The following LBP variants were observed in gnomAD, a reference collection of about 807,000 sequenced individuals.
The protein encoded by LBP is lipopolysaccharide binding protein.
In LBP, 53 loss-of-function variants were observed where a neutral mutation model predicts 56.6. The observed-to-expected ratio is 0.94, with a 90% CI of 0.75 to 1.18. The LOEUF (loss-of-function observed/expected upper bound fraction) is 1.18. Ranked by LOEUF, LBP falls within the 50% of genes most tolerant of loss-of-function variation. The probability of loss-of-function intolerance (pLI) is 0.00; values close to 1 mark genes in which losing one functional copy is unlikely to be tolerated. For synonymous variants in LBP, 227 were observed against 247.5 expected (o/e 0.92, Z 0.78); for missense variants, 601 against 598.3 (o/e 1.00, Z -0.05).
chr20:38,366,932 G>T, intron 9 of LBP, 104 bp downstream of exon 9: 1 of 1,083,522 alleles, frequency 9.2e-7, no homozygotes, highest in East Asian at 2.4e-5. Flanking sequence ...AGAGTGAGAA[G>T]GCCGGGATGA....
chr20:38,360,138 G>A (rs987110294), intron 5 of LBP, among the ~76,000 whole-genome samples: 2 of 151,954 alleles, frequency 1.3e-5, no homozygotes, highest in African/African-American at 4.8e-5. Context: ...TGTGATCCCA[G>A]CTACTTGGGA....
Position 38,364,770 on chromosome 20 carries a change from C to A in LBP, c.921+18C>A. 6.3e-7 allele frequency: 1 copy of A among 1,590,920 alleles called. No individual in the cohort carries two copies. The highest frequency in any genetic ancestry group is 1.3e-5 in the African/African-American group (1 of 74,596). ...ATGACATGGTGAGGATGGTGGCAAA[C>A]AGGTCTCTCAAATGAACACATAACC... On this transcript the variant is annotated intron_variant, in intron 8 of 14. Transcript: ENST00000217407.
intron 14 of LBP, 43 bp downstream of exon 14, chr20:38,374,056 G>A (rs376827086): frequency 1.3e-6 from 2 of 1,586,816 alleles, no homozygotes; most frequent in South Asian, 1.1e-5. Flanking sequence ...TGAGGGAGGA[G>A]GTGGTTTGCA....
intron 4 of LBP, among the ~76,000 whole-genome samples, chr20:38,354,917 C>CA (rs1164613609): frequency 6.6e-6 from 1 of 151,956 alleles, no homozygotes; most frequent in Non-Finnish European, 1.5e-5. Flanking sequence ...CCTGTCTCCA[C>CA]AAAAAAATAC....
At chr20:38,364,927 C>A (rs1042605586) in intron 8 of LBP, among the ~76,000 whole-genome samples, 175 bp downstream of exon 8, 3 of 152,188 alleles carry the variant, frequency 2.0e-5, no homozygotes. Context: ...AACCAAGAAA[C>A]TCAAAGCCAA....
intron 4 of LBP, 75 bp downstream of exon 4, chr20:38,354,514 T>C: frequency 7.3e-7 from 1 of 1,378,454 alleles, no homozygotes; most frequent in Non-Finnish European, 9.9e-7. Flanking sequence ...CAGCCTGGCC[T>C]CCGATAATTG....
chr20:38,366,825 A>T lies in LBP; in HGVS notation c.978A>T (p.Pro326=). The part of the protein sequence containing the change: ...LTTKSFRPFV[P]RLARLYPNMN... ...CCAAGTCCTTCCGACCCTTCGTCCC[A>T]CGGGTAAGGAGTCCCTTAGTTCCCC... is the stretch of plus-strand genomic sequence containing the variant. The change falls in exon 9 of 15, where the codon CCA becomes CCT. Residue 326 remains proline, a synonymous_variant. Transcript: ENST00000217407. 1 of 1,613,906 alleles carries T rather than the reference A, an allele frequency of 6.2e-7. No homozygotes were observed. Among genetic ancestry groups the T allele is most frequent in the East Asian group, 2.2e-5 (1 of 44,876 alleles).
rs1178266206 is a variant in LBP, at chr20:38,376,864, T to C, written c.*195T>C. The C allele has an allele frequency of 2.8e-5, 20 of 704,524 alleles. No individual in the cohort carries two copies. In the Admixed American group the frequency reaches 3.6e-4, roughly 13 times the overall value. The allele number at this position is 704,524 out of a possible 1,614,324, so 43.6% of individuals were successfully genotyped here. On this transcript the variant is annotated 3_prime_UTR_variant, in exon 15 of 15. Coordinates refer to ENST00000217407, the MANE Select transcript of LBP (RefSeq NM_004139.5). ...GCATGCCCTCTCTGAGTCTGGACTT[T>C]GCTTCCCCTCCAGGAGGGACCACCC...
intron 10 of LBP, 32 bp from the exon 11 acceptor site, chr20:38,370,706 T>A: frequency 6.3e-7 from 1 of 1,596,812 alleles, no homozygotes; most frequent in South Asian, 1.1e-5. Context: ...CCTTCATCAC[T>A]TACACCTGCT....
intron 6 of LBP, among the ~76,000 whole-genome samples, chr20:38,362,508 G>A (rs1211225578): frequency 6.6e-6 from 1 of 151,488 alleles, no homozygotes; most frequent in African/African-American, 2.4e-5. Context: ...AGCTACTCGG[G>A]AGGCTGAGGC....
chr20:38,355,695 G>T (rs1247897247), intron 5 of LBP, among the ~76,000 whole-genome samples: 1 of 152,092 alleles, frequency 6.6e-6, no homozygotes, highest in Non-Finnish European at 1.5e-5. Flanking sequence ...GCTCCACCTT[G>T]CTCAGTGCCC....
chr20:38,349,647 G>A lies in LBP; in HGVS notation c.224G>A (p.Arg75His), dbSNP rs367547608. 4.7e-5 allele frequency: 76 copies of A among 1,605,098 alleles called. No homozygotes were observed. Among genetic ancestry groups the A allele is most frequent in the African/African-American group, 1.6e-4 (12 of 74,806 alleles). ...AGGATCCCCCACGTCGGCCGTGGGC[G>A]CTATGAGTTCCACAGGTGGGGCTCT... ...DLRIPHVGRG[R>H]YEFHSLNIHS... The change falls in exon 2 of 15, where the codon CGC becomes CAC. Residue 75 changes from arginine to histidine, a missense_variant. Arg to His is a conservative substitution (Grantham distance 29). Coordinates refer to ENST00000217407, the MANE Select transcript of LBP (RefSeq NM_004139.5).
At chr20:38,359,140 T>G (rs1014644974) in intron 5 of LBP, among the ~76,000 whole-genome samples, 1 of 152,164 alleles carries the variant, frequency 6.6e-6, no homozygotes, top group African/African-American at 2.4e-5. Flanking sequence ...CTTTATGATT[T>G]TTTTTCCTCC....
intron 5 of LBP, among the ~76,000 whole-genome samples, chr20:38,359,126 T>G (rs2076850784): frequency 6.6e-6 from 1 of 152,236 alleles, no homozygotes; most frequent in African/African-American, 2.4e-5. Context: ...GAATCCTTCT[T>G]GATCTTTATG....
At chr20:38,350,784 C>A in intron 2 of LBP, 27 bp from the exon 3 acceptor site, 1 of 1,589,808 alleles carries the variant, frequency 6.3e-7, no homozygotes, top group Non-Finnish European at 8.6e-7. Flanking sequence ...CCAGGGCTGA[C>A]ACCTCCTTCC....
Position 38,376,691 on chromosome 20 carries a change from G to T in LBP, c.*22G>T. On this transcript the variant is annotated 3_prime_UTR_variant, in exon 15 of 15. Coordinates refer to ENST00000217407, the MANE Select transcript of LBP (RefSeq NM_004139.5). The stretch of plus-strand genomic sequence containing the variant: ...TTGAGGACAAGAAAGATGAAGCTTG[G>T]AGGTCACAGCTGGATCTGCTTGTTG... 6.2e-7 allele frequency: 1 copy of T among 1,608,840 alleles called. No homozygotes were observed. Among genetic ancestry groups the T allele is most frequent in the Non-Finnish European group, 8.5e-7 (1 of 1,175,258 alleles).
chr20:38,375,852 A>AG (rs930673914), intron 14 of LBP, among the ~76,000 whole-genome samples: 1 of 152,250 alleles, frequency 6.6e-6, no homozygotes, highest in East Asian at 1.9e-4. Flanking sequence ...AATGAAGGGC[A>AG]GGGGGGATGA....
At chr20:38,364,110 A>T in intron 7 of LBP, 44 bp downstream of exon 7, 1 of 1,350,508 alleles carries the variant, frequency 7.4e-7, no homozygotes, top group Non-Finnish European at 1.1e-6. Context: ...GCTTTCCCTC[A>T]GGGTCAGCCA....
At chr20:38,359,875 C>A (rs1426198371) in intron 5 of LBP, among the ~76,000 whole-genome samples, 1 of 152,176 alleles carries the variant, frequency 6.6e-6, no homozygotes, top group Admixed American at 6.5e-5. Context: ...AGCCTACAGA[C>A]CCCAGCATTC....
Sources: gnomAD v4.1 joint callset for allele counts (sites outside exome capture counted in the v4.1 genomes callset) on GRCh38, gnomAD v4.1.1 for gene constraint, MANE v1.5 for transcripts, NCBI Gene and HGNC (gene_info 2026-07-23, HGNC 2026-07-21) for gene names.